Variants in KCNT1 observed in about 807,000 individuals in gnomAD.
The protein encoded by KCNT1 is potassium sodium-activated channel subfamily T member 1.
KCNT1 carries 78 observed loss-of-function variants against 147.8 expected under a neutral mutation model. The observed-to-expected ratio is 0.53, with a 90% CI of 0.44 to 0.64. The LOEUF (loss-of-function observed/expected upper bound fraction) is 0.64, where lower values mean the gene tolerates loss of function less well. Ranked by LOEUF, KCNT1 falls within the 30% of genes least tolerant of loss-of-function variation. KCNT1 has a pLI of 0.00. For missense variants in KCNT1, 1,419 were observed against 1,750.3 expected (o/e 0.81, Z 3.38); for synonymous variants, 867 against 748.8 (o/e 1.16, Z -2.58).
At chr9:135,790,415 A>T (rs1383289734) in intron 29 of KCNT1, 1 of 152,268 alleles carries the variant, frequency 6.6e-6, no homozygotes, top group Non-Finnish European at 1.5e-5. Context: ...TGTGAGGGGC[A>T]GGTGTCAGGC....
At chr9:135,769,901 G>C (rs778538222) in intron 15 of KCNT1, 46 bp from the exon 16 acceptor site, 2 of 1,393,190 alleles carry the variant, frequency 1.4e-6, no homozygotes, top group Non-Finnish European at 2.0e-6. Flanking sequence ...GGGGAGGAGA[G>C]AGCCGGCAGA....
At chr9:135,731,772 AC>A (rs1040427798) in intron 2 of KCNT1, among the ~76,000 whole-genome samples, 5 of 149,634 alleles carry the variant, frequency 3.3e-5, no homozygotes, top group African/African-American at 1.2e-4. Context: ...AGCTCACTTC[AC>A]CCCCTTCGTA....
Position 135,788,190 on chromosome 9 carries a change from A to G in KCNT1, c.3502+1669A>G, listed in dbSNP as rs775164622. On this transcript the variant is annotated intron_variant, in intron 29 of 30. Coordinates refer to ENST00000371757, the MANE Select transcript of KCNT1 (RefSeq NM_020822.3). The stretch of plus-strand genomic sequence containing the variant: ...AATTCTGCCCTGGCGGGTGCCGACC[A>G]CCGCACAACGGGGCTCGCCAACCCT... The G allele has an allele frequency of 1.9e-6, 3 of 1,597,478 alleles. No individual in the cohort carries two copies. The Admixed American group carries it at 5.0e-5, about 27-fold the overall frequency.
At chr9:135,783,984 C>T in intron 24 of KCNT1, 40 bp from the exon 25 acceptor site, 1 of 1,545,460 alleles carries the variant, frequency 6.5e-7, no homozygotes, top group Non-Finnish European at 8.9e-7. Flanking sequence ...ACTGGAGGGA[C>T]CTCGGCACCA....
At chr9:135,704,508 C>G (rs1273327404) in intron 1 of KCNT1, among the ~76,000 whole-genome samples, 1 of 152,190 alleles carries the variant, frequency 6.6e-6, no homozygotes, top group Non-Finnish European at 1.5e-5. Context: ...CCATGGAGTC[C>G]CAGGCCCTCA....
intron 18 of KCNT1, among the ~76,000 whole-genome samples, chr9:135,771,508 C>T (rs573604888): frequency 4.6e-5 from 7 of 152,336 alleles, no homozygotes; most frequent in South Asian, 4.1e-4. Context: ...CCCACAGGAC[C>T]GGTTGGCAGC....
chr9:135,777,539 G>A (rs757756553), intron 21 of KCNT1, 29 bp downstream of exon 21: 59 of 989,522 alleles, frequency 6.0e-5, no homozygotes, highest in Non-Finnish European at 7.4e-5. Context: ...AGCCCACCCC[G>A]CCCACCCGGG....
At chr9:135,774,199 T>C (rs1475118189) in intron 19 of KCNT1, among the ~76,000 whole-genome samples, 1 of 147,418 alleles carries the variant, frequency 6.8e-6, no homozygotes. Flanking sequence ...GTCTGAGTGG[T>C]ATTGTGTGTG....
Position 135,772,670 on chromosome 9 carries a change from G to A in KCNT1, c.2009-45G>A. The stretch of plus-strand genomic sequence containing the variant: ...GAGCTCTGGGAACTCGCCGCCCATG[G>A]AGGGTGGGAGTCGGGCTGTGGCCAA... On this transcript the variant is annotated intron_variant, in intron 18 of 30. Coordinates refer to ENST00000371757, the MANE Select transcript of KCNT1 (RefSeq NM_020822.3). The A allele has an allele frequency of 2.3e-6, 3 of 1,328,284 alleles. 1 individual carries two copies. The highest frequency in any genetic ancestry group is 3.9e-5 in the South Asian group (2 of 51,110). The allele number at this position is 1,328,284 out of a possible 1,614,324, so 82.3% of individuals were successfully genotyped here. A position where few individuals can be genotyped will look rare whatever the true frequency, so the allele number is the denominator to read the frequency against.
chr9:135,764,664 G>A (rs1270513069), intron 11 of KCNT1, among the ~76,000 whole-genome samples: 1 of 152,140 alleles, frequency 6.6e-6, no homozygotes, highest in African/African-American at 2.4e-5. Flanking sequence ...TGACAGTGAG[G>A]CCTGCGAGTG....
intron 5 of KCNT1, 126 bp from the exon 6 acceptor site, chr9:135,754,995 C>T (rs1831389646): frequency 1.3e-6 from 1 of 792,408 alleles, no homozygotes; most frequent in Admixed American, 3.3e-5. Flanking sequence ...CTCCTTTGGT[C>T]CAGCCCCAAT....
At chr9:135,760,006 G>A (rs569925687) in intron 11 of KCNT1, 147 bp downstream of exon 11, 33 of 702,368 alleles carry the variant, frequency 4.7e-5, no homozygotes, top group African/African-American at 7.3e-5. Context: ...TGCCTGCTCC[G>A]TTGCACGCCC....
Position 135,757,391 on chromosome 9 carries a change from G to A in KCNT1, c.759+10G>A, listed in dbSNP as rs1378294661. 2 of 1,605,378 alleles carry A rather than the reference G, an allele frequency of 1.2e-6. No individual in the cohort carries two copies. Among genetic ancestry groups the A allele is most frequent in the African/African-American group, 1.3e-5 (1 of 74,996 alleles). On this transcript the variant is annotated intron_variant, in intron 9 of 30. Coordinates refer to ENST00000371757, the MANE Select transcript of KCNT1 (RefSeq NM_020822.3). Reference sequence around the variant, plus strand: ...GCTGGAAAACATGATTGTAAGCCGGGGCGGGGGGTGCAGCTGGGACTTGGG... The same window carrying A: ...GCTGGAAAACATGATTGTAAGCCGGAGCGGGGGGTGCAGCTGGGACTTGGG...
Position 135,770,282 on chromosome 9 carries a change from C to A in KCNT1, c.1620-16C>A. 6.3e-7 allele frequency: 1 copy of A among 1,577,454 alleles called. No homozygotes were observed. The highest frequency in any genetic ancestry group is 8.6e-7 in the Non-Finnish European group (1 of 1,159,884). On this transcript the variant is annotated splice_polypyrimidine_tract_variant and intron_variant, in intron 16 of 30. Transcript: ENST00000371757. ...GGCCGAGGGTGACGCTCCCCTGGCC[C>A]CGCCCTGGCCCACAGGGAGGGACAG...
At chr9:135,739,697 C>T (rs892538219) in intron 2 of KCNT1, among the ~76,000 whole-genome samples, 1 of 152,144 alleles carries the variant, frequency 6.6e-6, no homozygotes, top group African/African-American at 2.4e-5. Flanking sequence ...TCCCGTCACC[C>T]CTGAGGTGCC....
At chr9:135,734,714 C>T (rs770532109) in intron 2 of KCNT1, among the ~76,000 whole-genome samples, 9 of 152,194 alleles carry the variant, frequency 5.9e-5, no homozygotes, top group Admixed American at 2.0e-4. Context: ...CGGGTGGGCG[C>T]GCGCGTTTGC....
At chr9:135,759,575 A>C in intron 10 of KCNT1, 104 bp from the exon 11 acceptor site, 1 of 1,267,984 alleles carries the variant, frequency 7.9e-7, no homozygotes, top group Admixed American at 2.8e-5. Flanking sequence ...TGCACAGCTC[A>C]GTCTCCTGGG....
rs1314463699 is a variant in KCNT1, at chr9:135,755,182, C to G, written c.540+13C>G. ...GTGGGCGATCCAGGTGAGTGCCCTA[C>G]CCTGCCCCCCTCCCGACTGCAGTGG... On this transcript the variant is annotated intron_variant, in intron 6 of 30. Transcript: ENST00000371757. 6.2e-7 allele frequency: 1 copy of G among 1,604,750 alleles called. No individual in the cohort carries two copies. Among genetic ancestry groups the G allele is most frequent in the Non-Finnish European group, 8.5e-7 (1 of 1,175,794 alleles).
At chr9:135,761,823 C>CCCTTT (rs1831930562) in intron 11 of KCNT1, among the ~76,000 whole-genome samples, 1 of 152,208 alleles carries the variant, frequency 6.6e-6, no homozygotes, top group Non-Finnish European at 1.5e-5. Flanking sequence ...CAATGCGTCC[C>CCCTTT]CCTTTCCCCT....
Sources: allele counts gnomAD v4.1 joint callset (sites outside exome capture counted in the v4.1 genomes callset), GRCh38; gene constraint gnomAD v4.1.1; transcripts MANE v1.5; gene names NCBI Gene and HGNC (gene_info 2026-07-23, HGNC 2026-07-21).